The following HSD17B2 variants were observed in gnomAD, a reference collection of about 807,000 sequenced individuals.
The protein encoded by HSD17B2 is hydroxysteroid 17-beta dehydrogenase 2, also known as 17-beta-hydroxysteroid dehydrogenase type 2.
HSD17B2 carries 32 observed loss-of-function variants against 26.9 expected under a neutral mutation model. That is an observed-to-expected ratio of 1.19 (90% confidence interval 0.90 to 1.60). The LOEUF (loss-of-function observed/expected upper bound fraction) is 1.60, where lower values mean the gene tolerates loss of function less well. Among genes scored for constraint, HSD17B2 ranks in the 40% most tolerant of loss-of-function variants. The probability of loss-of-function intolerance (pLI) is 0.00; values close to 1 mark genes in which losing one functional copy is unlikely to be tolerated. For synonymous variants in HSD17B2, 246 were observed against 186.7 expected (o/e 1.32, Z -2.59); for missense variants, 613 against 468.6 (o/e 1.31, Z -2.85).
intron 1 of HSD17B2, among the ~76,000 whole-genome samples, chr16:82,047,770 T>C (rs1025203919): frequency 6.6e-6 from 1 of 152,200 alleles, no homozygotes; most frequent in East Asian, 1.9e-4. Flanking sequence ...TCATATGCCC[T>C]TTCTGATTCT....
At chr16:82,068,427 G>C (rs369260246) in intron 2 of HSD17B2, 45 bp downstream of exon 2, 532 of 1,507,670 alleles carry the variant, frequency 3.5e-4, no homozygotes, top group Non-Finnish European at 3.7e-4. Flanking sequence ...CCTCCTGAAT[G>C]CCCAGCTCTT....
intron 1 of HSD17B2, among the ~76,000 whole-genome samples, chr16:82,057,420 A>G (rs1166882472): frequency 6.6e-6 from 1 of 152,028 alleles, no homozygotes; most frequent in African/African-American, 2.4e-5. Context: ...GATGCTCTCG[A>G]TTTCCTGACC....
At position 82,049,104 on chromosome 16, in the gene HSD17B2, T is replaced by G. The variant is rs77704485; in HGVS notation, c.265+13415T>G. 9.8e-5 allele frequency among the ~76,000 whole-genome samples: 15 copies of G among 152,356 alleles called. No individual in the cohort carries two copies. In the East Asian group the frequency reaches 2.9e-3, roughly 29 times the overall value. On this transcript the variant is annotated intron_variant, in intron 1 of 4. Coordinates refer to ENST00000199936, the MANE Select transcript of HSD17B2 (RefSeq NM_002153.3). ...GACCCTTTCATATTCTTTATCAGCA[T>G]TCTCTGTGACTATTTATTTAATATA...
Position 82,098,318 on chromosome 16 carries a change from G to C in HSD17B2, c.1046G>C (p.Cys349Ser). ...TPGKGAYLWICLAHYLPIGIY... is the reference protein window; with the variant it reads ...TPGKGAYLWISLAHYLPIGIY... Reference sequence around the variant, plus strand: ...GGGAAAGGCGCTTACTTGTGGATCTGCCTTGCTCACTATTTGCCTATTGGC... The same window carrying C: ...GGGAAAGGCGCTTACTTGTGGATCTCCCTTGCTCACTATTTGCCTATTGGC... The change falls in exon 5 of 5, where the codon TGC becomes TCC. Residue 349 changes from cysteine to serine, a missense_variant. Cys to Ser is a moderately radical substitution (Grantham distance 112). Coordinates refer to ENST00000199936, the MANE Select transcript of HSD17B2 (RefSeq NM_002153.3). 6.2e-7 allele frequency: 1 copy of C among 1,614,184 alleles called. No individual in the cohort carries two copies. Among genetic ancestry groups the C allele is most frequent in the African/African-American group, 1.3e-5 (1 of 75,052 alleles).
chr16:82,041,683 G>A (rs1913769624), intron 1 of HSD17B2, among the ~76,000 whole-genome samples: 1 of 152,218 alleles, frequency 6.6e-6, no homozygotes, highest in African/African-American at 2.4e-5. Context: ...TGCAGGAACT[G>A]CATTTCCATG....
At chr16:82,071,491 C>T (rs1914697414) in intron 3 of HSD17B2, 1 of 361,544 alleles carries the variant, frequency 2.8e-6, no homozygotes, top group African/African-American at 2.1e-5. Context: ...CAATTTAACA[C>T]ACTGTGTTCA....
At chr16:82,085,159 G>C (rs905865591) in intron 3 of HSD17B2, among the ~76,000 whole-genome samples, 1 of 152,164 alleles carries the variant, frequency 6.6e-6, no homozygotes, top group Non-Finnish European at 1.5e-5. Flanking sequence ...CAGACTGTGG[G>C]ATCATTCCTG....
At position 82,068,151 on chromosome 16, in the gene HSD17B2, C is replaced by T. The variant is rs373618526; in HGVS notation, c.266-19C>T. Reference sequence around the variant, plus strand: ...CACTCTGGTTTGACCTCACTCCCTACTCCCCTGACCCTATGCAGGTGGTGA... The same window carrying T: ...CACTCTGGTTTGACCTCACTCCCTATTCCCCTGACCCTATGCAGGTGGTGA... On this transcript the variant is annotated intron_variant, in intron 1 of 4. Coordinates refer to ENST00000199936, the MANE Select transcript of HSD17B2 (RefSeq NM_002153.3). The T allele has an allele frequency of 4.3e-6, 7 of 1,610,148 alleles. No homozygotes were observed. The highest frequency in any genetic ancestry group is 1.7e-5 in the Admixed American group (1 of 59,970).
intron 4 of HSD17B2, chr16:82,094,664 T>G (rs899426211): frequency 6.6e-6 from 1 of 152,190 alleles, no homozygotes; most frequent in Non-Finnish European, 1.5e-5. Flanking sequence ...TTATATTTAT[T>G]TGAAGGTAGG....
At chr16:82,051,105 C>T (rs575070111) in intron 1 of HSD17B2, among the ~76,000 whole-genome samples, 1 of 152,282 alleles carries the variant, frequency 6.6e-6, no homozygotes, top group South Asian at 2.1e-4. Flanking sequence ...TCTTCATATC[C>T]TATTTGTTAC....
At position 82,062,833 on chromosome 16, in the gene HSD17B2, T is replaced by C. The variant is rs189534016; in HGVS notation, c.266-5337T>C. Among the ~76,000 whole-genome samples the C allele has an allele frequency of 3.5e-4, 54 of 152,338 alleles. No individual in the cohort carries two copies. In the East Asian group the frequency reaches 4.0e-3, roughly 11 times the overall value. On this transcript the variant is annotated intron_variant, in intron 1 of 4. Transcript: ENST00000199936. ...GCTTTGTTGCCAGGTTTCCGGAGTA[T>C]ACAATTATTTTCCCCTCTCCTCAAG...
chr16:82,080,311 G>T (rs1019287957), intron 3 of HSD17B2, among the ~76,000 whole-genome samples: 10 of 152,168 alleles, frequency 6.6e-5, no homozygotes, highest in African/African-American at 2.4e-4. Context: ...ATTGAGTGAA[G>T]GATCTTGAGA....
Position 82,073,658 on chromosome 16 carries a change from T to G in HSD17B2, c.664+2531T>G, listed in dbSNP as rs142289606. Among the ~76,000 whole-genome samples the G allele has an allele frequency of 2.2e-3, 328 of 151,968 alleles. 2 individuals are homozygous for G. The highest frequency in any genetic ancestry group is 7.2e-3 in the African/African-American group (299 of 41,420). ...TACAGCTAACTAGGGAGGTGAAAGA[T>G]CTCCACAAGGAAGACTACAAAACAC... On this transcript the variant is annotated intron_variant, in intron 3 of 4. Transcript: ENST00000199936.
At chr16:82,090,770 G>C in intron 3 of HSD17B2, 132 bp from the exon 4 acceptor site, 2 of 790,390 alleles carry the variant, frequency 2.5e-6, no homozygotes, top group East Asian at 5.4e-5. Context: ...GGGCTCAGGG[G>C]GCCTTGCCTG....
chr16:82,060,546 C>A (rs894626493), intron 1 of HSD17B2, among the ~76,000 whole-genome samples: 1 of 152,184 alleles, frequency 6.6e-6, no homozygotes, highest in African/African-American at 2.4e-5. Context: ...TACAATCTCC[C>A]GATTCTGAGT....
chr16:82,071,483 A>G (rs913350709), intron 3 of HSD17B2: 8 of 367,310 alleles, frequency 2.2e-5, no homozygotes, highest in Non-Finnish European at 4.2e-5. Context: ...CACTTCGTCA[A>G]TTTAACACAC....
intron 1 of HSD17B2, among the ~76,000 whole-genome samples, chr16:82,060,468 G>A (rs1423924377): frequency 6.6e-6 from 1 of 152,216 alleles, no homozygotes; most frequent in Non-Finnish European, 1.5e-5. Context: ...TCAGCTGATG[G>A]GTCCCTTGTG....
At chr16:82,037,178 A>T (rs762863509) in intron 1 of HSD17B2, among the ~76,000 whole-genome samples, 2 of 152,238 alleles carry the variant, frequency 1.3e-5, no homozygotes, top group Non-Finnish European at 2.9e-5. Flanking sequence ...CCTGCATGAA[A>T]TGCTTATGGC....
intron 1 of HSD17B2, among the ~76,000 whole-genome samples, chr16:82,060,431 G>C (rs977509735): frequency 6.6e-6 from 1 of 152,184 alleles, no homozygotes; most frequent in Admixed American, 6.5e-5. Context: ...TACCCCATCA[G>C]AGGGGGAGCC....
Sources: gnomAD v4.1 joint callset for allele counts (sites outside exome capture counted in the v4.1 genomes callset) on GRCh38, gnomAD v4.1.1 for gene constraint, MANE v1.5 for transcripts, NCBI Gene and HGNC (gene_info 2026-07-23, HGNC 2026-07-21) for gene names.